Variants in JAK1 observed in about 807,000 individuals in gnomAD.
JAK1 encodes tyrosine-protein kinase JAK1.
Under a neutral mutation model 136.6 loss-of-function variants are expected in JAK1, and 16 were observed. The ratio of observed to expected loss-of-function variants is 0.12; its 90% CI spans 0.08 to 0.18. The LOEUF (loss-of-function observed/expected upper bound fraction) is 0.18. Ranked by LOEUF, JAK1 falls within the 10% of genes least tolerant of loss-of-function variation. The probability of loss-of-function intolerance (pLI) is 1.00; values close to 1 mark genes in which losing one functional copy is unlikely to be tolerated. For missense variants in JAK1, 859 were observed against 1,450.1 expected, an observed-to-expected ratio of 0.59 and a Z score of 6.62; for synonymous variants, 492 against 519.5, an observed-to-expected ratio of 0.95 and a Z score of 0.72.
chr1:64,839,865 T>G, intron 19 of JAK1, 70 bp from the exon 20 acceptor site: 1 of 1,343,240 alleles, frequency 7.4e-7, no homozygotes. Context: ...ACAGAAGTCT[T>G]GCTCCTCACA....
At chr1:64,861,901 C>G (rs1223969795) in intron 8 of JAK1, among the ~76,000 whole-genome samples, 1 of 151,738 alleles carries the variant, frequency 6.6e-6, no homozygotes, top group Non-Finnish European at 1.5e-5. Context: ...ATGCTCTGAA[C>G]AAGGGGCAGG....
At chr1:64,852,825 G>A (rs896373536) in intron 11 of JAK1, among the ~76,000 whole-genome samples, 8 of 152,152 alleles carry the variant, frequency 5.3e-5, no homozygotes, top group South Asian at 2.1e-4. Context: ...TTCAGTGCCC[G>A]GTATGGAGTA....
chr1:65,052,938 G>T (rs567584738), intron 1 of JAK1, among the ~76,000 whole-genome samples: 258 of 149,940 alleles, frequency 1.7e-3, no homozygotes, highest in African/African-American at 6.1e-3. Flanking sequence ...GGCTGAGGCA[G>T]GAGAATCGCT....
chr1:65,020,315 C>T (rs1646928086), intron 2 of JAK1, among the ~76,000 whole-genome samples: 1 of 148,916 alleles, frequency 6.7e-6, no homozygotes, highest in African/African-American at 2.5e-5. Flanking sequence ...CTAATTTATA[C>T]TCTCAGCAAC....
At chr1:64,907,899 CATTA>C (rs1645218034) in intron 1 of JAK1, among the ~76,000 whole-genome samples, 1 of 152,190 alleles carries the variant, frequency 6.6e-6, no homozygotes, top group African/African-American at 2.4e-5. Context: ...AAACTGTATT[CATTA>C]ATTGAAATAC....
intron 1 of JAK1, 92 bp from the exon 2 acceptor site, chr1:64,886,433 T>C (rs1644853428): frequency 4.8e-6 from 3 of 624,702 alleles, no homozygotes; most frequent in Admixed American, 4.1e-5. Flanking sequence ...GCCCAAACCA[T>C]AAGCAGGCAA....
At chr1:64,860,316 T>G in intron 8 of JAK1, 54 bp from the exon 9 acceptor site, 1 of 1,492,048 alleles carries the variant, frequency 6.7e-7, no homozygotes, top group Non-Finnish European at 9.1e-7. Context: ...TCAGCTTAAG[T>G]GGCTGACTCT....
chr1:64,901,073 C>G (rs568384257), intron 1 of JAK1, among the ~76,000 whole-genome samples: 1 of 152,210 alleles, frequency 6.6e-6, no homozygotes, highest in African/African-American at 2.4e-5. Flanking sequence ...CATCTGTCTT[C>G]GCTGTCTTTG....
At chr1:64,917,629 T>G (rs1253664906) in intron 1 of JAK1, among the ~76,000 whole-genome samples, 1 of 152,100 alleles carries the variant, frequency 6.6e-6, no homozygotes, top group Non-Finnish European at 1.5e-5. Flanking sequence ...CTAATGGAAT[T>G]TGGTTTTTCT....
intron 3 of JAK1, among the ~76,000 whole-genome samples, chr1:64,882,265 G>A (rs1322993642): frequency 6.6e-6 from 1 of 152,168 alleles, no homozygotes; most frequent in African/African-American, 2.4e-5. Flanking sequence ...TAAACAAGCT[G>A]TACTACTAAC....
intron 1 of JAK1, among the ~76,000 whole-genome samples, chr1:65,055,707 G>A (rs1340923851): frequency 6.6e-6 from 1 of 152,114 alleles, no homozygotes; most frequent in Admixed American, 6.5e-5. Flanking sequence ...AACACCTTAC[G>A]TCTATGAAAT....
intron 15 of JAK1, 127 bp from the exon 16 acceptor site, chr1:64,845,016 C>T: frequency 7.8e-7 from 1 of 1,277,598 alleles, no homozygotes; most frequent in Non-Finnish European, 1.1e-6. Context: ...GGCCCTGCTG[C>T]CAATCATCTG....
intron 2 of JAK1, chr1:64,993,638 T>C (rs1475111381): frequency 1.3e-5 from 2 of 152,070 alleles, no homozygotes; most frequent in African/African-American, 4.8e-5. Flanking sequence ...ATTTTTATTT[T>C]TATTTATTTA....
intron 1 of JAK1, among the ~76,000 whole-genome samples, chr1:65,050,382 G>A (rs1056935567): frequency 3.3e-5 from 5 of 152,226 alleles, no homozygotes; most frequent in African/African-American, 1.2e-4. Context: ...GGTCTCTGAG[G>A]AATCAGTACT....
At chr1:64,915,337 T>TA (rs201963732) in intron 1 of JAK1, among the ~76,000 whole-genome samples, 42 of 149,852 alleles carry the variant, frequency 2.8e-4, no homozygotes, top group East Asian at 5.9e-4. Flanking sequence ...GTTGGATATG[T>TA]AAAAAAAAAA....
intron 3 of JAK1, among the ~76,000 whole-genome samples, 182 bp from the exon 4 acceptor site, chr1:64,879,330 A>G (rs1186013409): frequency 6.6e-6 from 1 of 152,204 alleles, no homozygotes; most frequent in Non-Finnish European, 1.5e-5. Context: ...GATCATAATC[A>G]TCAAGAACTA....
chr1:64,911,096 A>C (rs1557684323), intron 1 of JAK1, among the ~76,000 whole-genome samples: 1 of 151,610 alleles, frequency 6.6e-6, no homozygotes, highest in African/African-American at 2.4e-5. Context: ...AAAAAAAAAA[A>C]CAATTATTAT....
intron 19 of JAK1, among the ~76,000 whole-genome samples, chr1:64,840,343 G>C (rs1187152562): frequency 6.6e-6 from 1 of 152,164 alleles, no homozygotes; most frequent in Non-Finnish European, 1.5e-5. Context: ...ACAATGCCTG[G>C]CACAGTGGCT....
At chr1:64,882,649 C>A (rs772779088) in intron 3 of JAK1, among the ~76,000 whole-genome samples, 3 of 152,146 alleles carry the variant, frequency 2.0e-5, no homozygotes, top group Admixed American at 2.0e-4. Context: ...TTTGGTTTCC[C>A]ACCTTCTGAG....
Sources: gnomAD v4.1 joint callset for allele counts (sites outside exome capture counted in the v4.1 genomes callset) on GRCh38, gnomAD v4.1.1 for gene constraint, MANE v1.5 for transcripts, NCBI Gene and HGNC (gene_info 2026-07-23, HGNC 2026-07-21) for gene names.